Variants in MYOCD observed in about 807,000 individuals in gnomAD.
The protein encoded by MYOCD is myocardin.
MYOCD carries 32 observed loss-of-function variants against 96.1 expected under a neutral mutation model. That is an observed-to-expected ratio of 0.33 (90% CI 0.25 to 0.45). The LOEUF (loss-of-function observed/expected upper bound fraction) is 0.45, where lower values mean the gene tolerates loss of function less well. MYOCD is among the 20% of genes least tolerant of loss of function. The probability of loss-of-function intolerance (pLI) is 1.00; values close to 1 mark genes in which losing one functional copy is unlikely to be tolerated. For synonymous variants in MYOCD, 469 were observed against 469.0 expected (o/e 1.00, Z 0.00); for missense variants, 1,133 against 1,200.6 (o/e 0.94, Z 0.83).
intron 1 of MYOCD, among the ~76,000 whole-genome samples, chr17:12,704,386 C>T (rs918542945): frequency 6.6e-6 from 1 of 152,096 alleles, no homozygotes; most frequent in African/African-American, 2.4e-5. Flanking sequence ...TTTACTATTA[C>T]ATGTATATGA....
intron 1 of MYOCD, among the ~76,000 whole-genome samples, chr17:12,696,046 C>A (rs1182256412): frequency 2.0e-5 from 3 of 151,326 alleles, no homozygotes; most frequent in Non-Finnish European, 4.4e-5. Context: ...GAATAATATT[C>A]CTTTGTTGTT....
intron 1 of MYOCD, among the ~76,000 whole-genome samples, chr17:12,679,015 T>C (rs1189983608): frequency 6.6e-6 from 1 of 152,076 alleles, no homozygotes; most frequent in Non-Finnish European, 1.5e-5. Flanking sequence ...CATTAAGAAA[T>C]TGGCTCAAGG....
At chr17:12,669,658 G>A (rs1228924027) in intron 1 of MYOCD, among the ~76,000 whole-genome samples, 1 of 151,634 alleles carries the variant, frequency 6.6e-6, no homozygotes. Context: ...TCGCTCTGTT[G>A]CCCAGGCTGG....
chr17:12,717,217 T>C, intron 3 of MYOCD, 129 bp from the exon 4 acceptor site: 2 of 674,614 alleles, frequency 3.0e-6, no homozygotes, highest in South Asian at 4.0e-5. Flanking sequence ...TGTTCCTTCA[T>C]CAAAATGTGG....
At chr17:12,714,359 A>ACACACC (rs1325168653) in intron 2 of MYOCD, among the ~76,000 whole-genome samples, 1 of 149,812 alleles carries the variant, frequency 6.7e-6, no homozygotes, top group Admixed American at 6.7e-5. Context: ...ACACACACAC[A>ACACACC]CACCCCGATC....
chr17:12,741,975 C>T lies in MYOCD; in HGVS notation c.718-2208C>T, dbSNP rs12452325. 6.0e-3 allele frequency among the ~76,000 whole-genome samples: 909 copies of T among 152,020 alleles called. 17 individuals carry two copies. Among genetic ancestry groups the T allele is most frequent in the East Asian group, 0.031 (162 of 5,166 alleles). On this transcript the variant is annotated intron_variant, in intron 7 of 13. Transcript: ENST00000425538. The stretch of plus-strand genomic sequence containing the variant: ...CCCAGACTATCCAGAGTAAATGGTC[C>T]GATTTCAGTATCTTCTGGAATGTGC...
Position 12,728,868 on chromosome 17 carries a change from T to G in MYOCD, c.415+5860T>G, listed in dbSNP as rs191352750. Among the ~76,000 whole-genome samples the G allele has an allele frequency of 1.6e-3, 247 of 152,338 alleles. 4 individuals are homozygous for G. The highest frequency in any genetic ancestry group is 0.015 in the Admixed American group (233 of 15,306). ...TCTTTTTATCACCATGACCGTTTCA[T>G]GTAGAAAGCAATAATTCAGCCCCTC... On this transcript the variant is annotated intron_variant, in intron 5 of 13. Coordinates refer to ENST00000425538, the MANE Select transcript of MYOCD (RefSeq NM_001146312.3).
chr17:12,740,303 A>T (rs1479247496), intron 7 of MYOCD, among the ~76,000 whole-genome samples: 3 of 152,140 alleles, frequency 2.0e-5, no homozygotes, highest in African/African-American at 7.2e-5. Context: ...CACAATACGG[A>T]ATCTTTTATC....
At chr17:12,689,058 T>C (rs2030310126) in intron 1 of MYOCD, among the ~76,000 whole-genome samples, 1 of 152,232 alleles carries the variant, frequency 6.6e-6, no homozygotes, top group Admixed American at 6.5e-5. Flanking sequence ...ATTCCCGTTA[T>C]CTTTTCTATT....
In MYOCD at chr17:12,756,046, A is replaced by G. The variant is rs566172922; in HGVS notation, c.2059-368A>G. ...CTTGACAGGAAGTGTCACGTTAAAA[A>G]GTAGAGGGCCAGGAAAGGGACAAGG... On this transcript the variant is annotated intron_variant, in intron 10 of 13. Transcript: ENST00000425538. 1.2e-4 allele frequency among the ~76,000 whole-genome samples: 18 copies of G among 152,286 alleles called. No homozygotes were observed. The South Asian group carries it at 3.7e-3, about 32-fold the overall frequency.
At chr17:12,692,955 C>G (rs1238943514) in intron 1 of MYOCD, among the ~76,000 whole-genome samples, 2 of 152,192 alleles carry the variant, frequency 1.3e-5, no homozygotes, top group Non-Finnish European at 2.9e-5. Context: ...TCTGCACTCT[C>G]TGGTCGCAGC....
chr17:12,692,184 T>C (rs1308036507), intron 1 of MYOCD, among the ~76,000 whole-genome samples: 1 of 152,240 alleles, frequency 6.6e-6, no homozygotes, highest in Non-Finnish European at 1.5e-5. Flanking sequence ...CATAACCTCT[T>C]CTAAGGGACC....
At chr17:12,759,731 A>G (rs1480538551) in intron 12 of MYOCD, among the ~76,000 whole-genome samples, 1 of 152,206 alleles carries the variant, frequency 6.6e-6, no homozygotes, top group African/African-American at 2.4e-5. Context: ...CAGGTTCCTC[A>G]AGCTACTGCC....
chr17:12,696,448 A>T (rs930939674), intron 1 of MYOCD, among the ~76,000 whole-genome samples: 9 of 152,006 alleles, frequency 5.9e-5, no homozygotes, highest in African/African-American at 2.2e-4. Context: ...GGTGAAATTG[A>T]TGGATCATAC....
chr17:12,725,718 CTT>C (rs1766937586), intron 5 of MYOCD, among the ~76,000 whole-genome samples: 1 of 151,236 alleles, frequency 6.6e-6, no homozygotes, highest in African/African-American at 2.4e-5. Flanking sequence ...GTTATAATGT[CTT>C]ATATTGATGA....
At chr17:12,745,871 C>T in intron 8 of MYOCD, 48 bp from the exon 9 acceptor site, 1 of 1,597,524 alleles carries the variant, frequency 6.3e-7, no homozygotes, top group Non-Finnish European at 8.6e-7. Context: ...GCAAGTTATC[C>T]CACCAATATT....
In MYOCD at chr17:12,742,764, G is replaced by A. The variant is rs143189164; in HGVS notation, c.718-1419G>A. Among the ~76,000 whole-genome samples, 905 of 151,928 alleles carry A rather than the reference G, an allele frequency of 6.0e-3. 17 individuals are homozygous for A. Among genetic ancestry groups the A allele is most frequent in the East Asian group, 0.031 (162 of 5,146 alleles). ...TTTTTGTATTTTTACCAGAGACAGGGTTTCACCATGTTGGCCAGGCTGGTC... is the reference window on the plus strand; with the variant it reads ...TTTTTGTATTTTTACCAGAGACAGGATTTCACCATGTTGGCCAGGCTGGTC... On this transcript the variant is annotated intron_variant, in intron 7 of 13. Coordinates refer to ENST00000425538, the MANE Select transcript of MYOCD (RefSeq NM_001146312.3).
intron 7 of MYOCD, among the ~76,000 whole-genome samples, chr17:12,742,593 C>T (rs1287266667): frequency 1.3e-5 from 2 of 150,666 alleles, no homozygotes; most frequent in Admixed American, 6.6e-5. Context: ...TTTTTTGAGG[C>T]GGAGTCTCGC....
In MYOCD at chr17:12,752,709, C is replaced by G; in HGVS notation, c.1421C>G (p.Thr474Ser). The change falls in exon 10 of 14, where the codon ACC becomes AGC. Residue 474 changes from threonine to serine, a missense_variant. By Grantham distance (58) the Thr-to-Ser change is moderately conservative (BLOSUM62 1). Coordinates refer to ENST00000425538, the MANE Select transcript of MYOCD (RefSeq NM_001146312.3). The part of the protein sequence containing the change: ...DLSVAGSLPD[T>S]FNDASPSFGL... The stretch of plus-strand genomic sequence containing the variant: ...TCAGTCGCTGGGTCCCTGCCGGACA[C>G]CTTCAATGATGCCTCCCCCTCCTTC... 6.2e-7 allele frequency: 1 copy of G among 1,614,208 alleles called. No homozygotes were observed. The highest frequency in any genetic ancestry group is 1.3e-5 in the African/African-American group (1 of 75,046).
Sources: allele counts gnomAD v4.1 joint callset (sites outside exome capture counted in the v4.1 genomes callset), GRCh38; gene constraint gnomAD v4.1.1; transcripts MANE v1.5; gene names NCBI Gene and HGNC (gene_info 2026-07-23, HGNC 2026-07-21).